The following PRKG1 variants were observed in gnomAD, a reference collection of about 807,000 sequenced individuals.
PRKG1 encodes the protein cGMP-dependent protein kinase 1.
A neutral mutation model predicts 88.1 loss-of-function variants in PRKG1; 35 were observed. The ratio of observed to expected loss-of-function variants is 0.40; its 90% CI spans 0.30 to 0.53. The LOEUF (loss-of-function observed/expected upper bound fraction) is 0.53. Among genes scored for constraint, PRKG1 ranks in the 20% least tolerant of loss-of-function variants. PRKG1 has a pLI of 0.59. For synonymous variants in PRKG1, 303 were observed against 292.5 expected, an observed-to-expected ratio of 1.04 and a Z score of -0.37; for missense variants, 540 against 839.8, an observed-to-expected ratio of 0.64 and a Z score of 4.41.
At chr10:52,204,068 C>T (rs2134763) in intron 9 of PRKG1, among the ~76,000 whole-genome samples, 7,352 of 131,592 alleles carry the variant, frequency 0.056, 632 homozygotes, top group African/African-American at 0.19. Flanking sequence ...CCATGTTGTT[C>T]GCTGGTTATT....
chr10:51,053,251 A>C (rs200782125), intron 1 of PRKG1, among the ~76,000 whole-genome samples: 1 of 31,104 alleles, frequency 3.2e-5, no homozygotes, highest in African/African-American at 2.7e-4. Context: ...ATAAATAAAA[A>C]CTAAAAAAAA....
intron 1 of PRKG1, among the ~76,000 whole-genome samples, chr10:50,992,168 A>G (rs1435265736): frequency 3.3e-5 from 5 of 151,984 alleles, no homozygotes; most frequent in Non-Finnish European, 7.4e-5. Context: ...GAACTTGCCC[A>G]GAACCCGAGC....
At chr10:51,942,537 T>C (rs1164367643) in intron 5 of PRKG1, among the ~76,000 whole-genome samples, 1 of 150,298 alleles carries the variant, frequency 6.7e-6, no homozygotes, top group African/African-American at 2.5e-5. Context: ...CATGCCTATG[T>C]CCTGAATAGT....
At chr10:51,714,178 A>G (rs539535525) in intron 3 of PRKG1, among the ~76,000 whole-genome samples, 1 of 152,182 alleles carries the variant, frequency 6.6e-6, no homozygotes, top group South Asian at 2.1e-4. Flanking sequence ...ACGGGGTTTC[A>G]CTGTGTTGGC....
chr10:51,373,749 C>A (rs1390970170), intron 2 of PRKG1, among the ~76,000 whole-genome samples: 1 of 152,146 alleles, frequency 6.6e-6, no homozygotes, highest in Non-Finnish European at 1.5e-5. Flanking sequence ...TTTGCAGGAA[C>A]ATGGATGAAG....
chr10:51,369,663 C>T (rs1181251573), intron 2 of PRKG1, among the ~76,000 whole-genome samples: 2 of 152,132 alleles, frequency 1.3e-5, no homozygotes, highest in African/African-American at 4.8e-5. Context: ...CAGTCCAGTG[C>T]TGTTTGCTTA....
chr10:51,920,267 T>C (rs539440195), intron 5 of PRKG1, among the ~76,000 whole-genome samples: 2 of 152,300 alleles, frequency 1.3e-5, no homozygotes, highest in South Asian at 4.1e-4. Flanking sequence ...CAGGGAGATA[T>C]AACAAAGGCC....
intron 14 of PRKG1, among the ~76,000 whole-genome samples, chr10:52,284,311 C>T (rs1413900143): frequency 1.3e-5 from 2 of 151,956 alleles, no homozygotes; most frequent in Non-Finnish European, 2.9e-5. Flanking sequence ...CAAAACCAAA[C>T]TTAATTTTTT....
At chr10:52,168,371 C>G (rs567322040) in intron 9 of PRKG1, among the ~76,000 whole-genome samples, 2 of 152,222 alleles carry the variant, frequency 1.3e-5, no homozygotes, top group Non-Finnish European at 2.9e-5. Context: ...CATAGAGGAA[C>G]AGCATGGAAA....
intron 7 of PRKG1, among the ~76,000 whole-genome samples, chr10:52,070,928 T>C (rs2133285367): frequency 6.6e-6 from 1 of 152,336 alleles, no homozygotes; most frequent in South Asian, 2.1e-4. Context: ...ATGTGTGATC[T>C]TGTTGATGTT....
In PRKG1 at chr10:51,613,700, GTTTTAA is replaced by G. The variant is rs554652697; in HGVS notation, c.592+145869_592+145874del. ...TGGTATGTTGTTTCCATTTTTATTT[GTTTTAA>G]TTTTTTTATTTTCATATAAATTTTT... is the stretch of plus-strand genomic sequence containing the variant. On this transcript the variant is annotated intron_variant, in intron 3 of 17. Transcript: ENST00000373980. 5.4e-4 allele frequency among the ~76,000 whole-genome samples: 82 copies of G among 151,588 alleles called. 2 individuals carry two copies. The South Asian group carries it at 0.016, about 30-fold the overall frequency.
At chr10:51,701,036 A>G (rs1270404704) in intron 3 of PRKG1, among the ~76,000 whole-genome samples, 1 of 152,212 alleles carries the variant, frequency 6.6e-6, no homozygotes, top group Non-Finnish European at 1.5e-5. Context: ...AAAAGTAAAA[A>G]TAGCCCATCA....
chr10:52,013,557 T>C (rs1365601474), intron 5 of PRKG1, among the ~76,000 whole-genome samples: 1 of 152,202 alleles, frequency 6.6e-6, no homozygotes, highest in African/African-American at 2.4e-5. Context: ...TAGGGGACAG[T>C]CCTAAACTAT....
At chr10:52,269,454 C>T (rs1301509323) in intron 10 of PRKG1, among the ~76,000 whole-genome samples, 1 of 152,066 alleles carries the variant, frequency 6.6e-6, no homozygotes, top group Non-Finnish European at 1.5e-5. Context: ...TTGCTGGCAG[C>T]TAACCGAGGC....
chr10:51,246,292 T>G (rs2132132891), intron 2 of PRKG1, among the ~76,000 whole-genome samples: 1 of 152,154 alleles, frequency 6.6e-6, no homozygotes, highest in Admixed American at 6.6e-5. Context: ...GTTGTTTTGA[T>G]AGAAACTGAA....
intron 3 of PRKG1, among the ~76,000 whole-genome samples, chr10:51,595,904 G>A (rs549628686): frequency 6.6e-6 from 1 of 152,016 alleles, no homozygotes; most frequent in South Asian, 2.1e-4. Context: ...GCAGGATCTT[G>A]GCTCACTGCA....
intron 2 of PRKG1, among the ~76,000 whole-genome samples, chr10:51,463,591 G>A (rs10997638): frequency 0.19 from 29,324 of 152,146 alleles, 3,182 homozygotes; most frequent in East Asian, 0.48. Context: ...TTGATTAGGT[G>A]AGATTAGGGG....
chr10:51,701,067 C>G (rs936784145), intron 3 of PRKG1, among the ~76,000 whole-genome samples: 2 of 151,918 alleles, frequency 1.3e-5, no homozygotes, highest in Admixed American at 6.6e-5. Context: ...TTTTATAAGT[C>G]GAAATGTAAT....
intron 4 of PRKG1, among the ~76,000 whole-genome samples, chr10:51,895,388 C>T (rs1564697212): frequency 6.6e-6 from 1 of 152,108 alleles, no homozygotes; most frequent in Admixed American, 6.6e-5. Flanking sequence ...AGAATCAGGA[C>T]CTTGGGATTT....
Sources: gnomAD v4.1 joint callset for allele counts (sites outside exome capture counted in the v4.1 genomes callset) on GRCh38, gnomAD v4.1.1 for gene constraint, MANE v1.5 for transcripts, NCBI Gene and HGNC (gene_info 2026-07-23, HGNC 2026-07-21) for gene names.